GRIK4: variants seen among roughly 807,000 people sequenced by gnomAD.
GRIK4 encodes glutamate ionotropic receptor kainate type subunit 4, also known as glutamate receptor ionotropic, kainate 4.
Under a neutral mutation model 104.9 loss-of-function variants are expected in GRIK4, and 40 were observed. The ratio of observed to expected loss-of-function variants is 0.38; its 90% CI spans 0.30 to 0.50. GRIK4 has a LOEUF of 0.50. Ranked by LOEUF, GRIK4 falls within the 20% of genes least tolerant of loss-of-function variation. The probability of loss-of-function intolerance (pLI) is 0.93; values close to 1 mark genes in which losing one functional copy is unlikely to be tolerated. For missense variants in GRIK4, 1,047 were observed against 1,308.1 expected (o/e 0.80, Z 3.08); for synonymous variants, 485 against 524.9 (o/e 0.92, Z 1.04).
intron 6 of GRIK4, among the ~76,000 whole-genome samples, chr11:120,830,338 G>A (rs951602325): frequency 6.6e-6 from 1 of 152,208 alleles, no homozygotes; most frequent in South Asian, 2.1e-4. Flanking sequence ...TGGTAAGAGG[G>A]TTGGATAGAA....
intron 19 of GRIK4, among the ~76,000 whole-genome samples, chr11:120,981,351 C>A (rs1944649046): frequency 6.6e-6 from 1 of 152,204 alleles, no homozygotes; most frequent in Non-Finnish European, 1.5e-5. Flanking sequence ...GTCTGACTCC[C>A]AGGAACTTAC....
At chr11:120,514,471 G>T (rs1003416080) in intron 1 of GRIK4, among the ~76,000 whole-genome samples, 1 of 152,160 alleles carries the variant, frequency 6.6e-6, no homozygotes, top group Non-Finnish European at 1.5e-5. Flanking sequence ...TGTTGGGCTC[G>T]TTGCTGTTGC....
chr11:120,520,976 G>A (rs760096615), intron 1 of GRIK4, among the ~76,000 whole-genome samples: 21 of 152,298 alleles, frequency 1.4e-4, no homozygotes, highest in Non-Finnish European at 2.9e-4. Flanking sequence ...GGTTTGGGCG[G>A]GGCACGGGAT....
At chr11:120,657,905 C>T (rs1006050963) in intron 2 of GRIK4, among the ~76,000 whole-genome samples, 3 of 152,192 alleles carry the variant, frequency 2.0e-5, no homozygotes, top group African/African-American at 7.2e-5. Flanking sequence ...GTGAACACAC[C>T]TCTGCAAGCA....
rs141682125 is a variant in GRIK4 at position 120,854,633 on chromosome 11, A to G, written c.745-7326A>G. On this transcript the variant is annotated intron_variant, in intron 8 of 20. Coordinates refer to ENST00000527524, the MANE Select transcript of GRIK4 (RefSeq NM_014619.5). ...ACACTGCCTTCCTCACTACCTGCTA[A>G]TGATCCCTGAAAGTGCATGAAACAT... Among the ~76,000 whole-genome samples, 506 of 152,290 alleles carry G rather than the reference A, an allele frequency of 3.3e-3. 2 individuals are homozygous for G. The highest frequency in any genetic ancestry group is 0.012 in the African/African-American group (488 of 41,550).
At chr11:120,847,077 G>A (rs1031116671) in intron 8 of GRIK4, among the ~76,000 whole-genome samples, 3 of 152,180 alleles carry the variant, frequency 2.0e-5, no homozygotes, top group Non-Finnish European at 4.4e-5. Flanking sequence ...AATCCAGTTC[G>A]TGCCAAGGTG....
In GRIK4 at chr11:120,609,189, TTTCCCCCAGCCCCTCCCACCTC is replaced by T. The variant is rs750909948; in HGVS notation, c.-158-44495_-158-44474del. ...TTGGTCCCTCTCAGAGTTTTCTCTC[TTTCCCCCAGCCCCTCCCACCTC>T]GGGGATCTGGGTGCAGGCAGGTGGG... On this transcript the variant is annotated intron_variant, in intron 1 of 20. Transcript: ENST00000527524. Among the ~76,000 whole-genome samples the T allele has an allele frequency of 5.5e-4, 84 of 152,164 alleles. 1 individual carries two copies. The highest frequency in any genetic ancestry group is 1.7e-3 in the South Asian group (8 of 4,808).
rs201370607 is a variant in GRIK4, at chr11:120,585,341, CTCTTTTTTTTTTT to C, written c.-158-68332_-158-68320del. ...TTTCATTCTCTCTCTCCCTCTCTCT[CTCTTTTTTTTTTT>C]TCTTTTTTTTTGTGAGACAGAGTCT... On this transcript the variant is annotated intron_variant, in intron 1 of 20. Coordinates refer to ENST00000527524, the MANE Select transcript of GRIK4 (RefSeq NM_014619.5). Among the ~76,000 whole-genome samples, 80 of 139,088 alleles carry C rather than the reference CTCTTTTTTTTTTT, an allele frequency of 5.8e-4. No homozygotes were observed. The East Asian group carries it at 0.015, about 26-fold the overall frequency. The allele number at this position is 139,088 out of a possible 152,430, so 91.2% of individuals were successfully genotyped here.
intron 18 of GRIK4, among the ~76,000 whole-genome samples, chr11:120,965,094 T>C (rs944554156): frequency 3.9e-5 from 6 of 152,210 alleles, no homozygotes; most frequent in Admixed American, 2.0e-4. Context: ...ATGTATATCA[T>C]TCTTAAGTGG....
chr11:120,614,270 C>T (rs113288617), intron 1 of GRIK4, among the ~76,000 whole-genome samples: 2,414 of 152,296 alleles, frequency 0.016, 37 homozygotes, highest in Non-Finnish European at 0.025. Context: ...TAAAAGTGCA[C>T]TCATTTGCCT....
At chr11:120,625,672 T>G (rs1949250226) in intron 1 of GRIK4, among the ~76,000 whole-genome samples, 1 of 116,110 alleles carries the variant, frequency 8.6e-6, no homozygotes, top group Admixed American at 8.2e-5. Context: ...CATTGCTGGC[T>G]TTTGTGCTCT....
At chr11:120,840,743 A>C (rs2135580922) in intron 8 of GRIK4, among the ~76,000 whole-genome samples, 1 of 152,320 alleles carries the variant, frequency 6.6e-6, no homozygotes, top group South Asian at 2.1e-4. Context: ...CTTCATCCAG[A>C]AATCAATCTG....
chr11:120,828,024 C>T (rs1362207850), intron 6 of GRIK4, among the ~76,000 whole-genome samples: 1 of 152,194 alleles, frequency 6.6e-6, no homozygotes, highest in Non-Finnish European at 1.5e-5. Context: ...TCCTTCTCTC[C>T]CTCTGGCCAG....
rs1248868434 is a variant in GRIK4 at position 120,874,054 on chromosome 11, G to A, written c.907-12G>A. 7 of 1,590,110 alleles carry A rather than the reference G, an allele frequency of 4.4e-6. No homozygotes were observed. The highest frequency in any genetic ancestry group is 4.5e-5 in the East Asian group (2 of 44,078). On this transcript the variant is annotated splice_polypyrimidine_tract_variant and intron_variant, in intron 9 of 20. Transcript: ENST00000527524. ...CACTCCCTCCCTCCGCCTGCTCCCC[G>A]GCCTCTCCCAGCTCTCCTCGGCCCT...
In GRIK4 at chr11:120,622,049, C is replaced by T. The variant is rs534655458; in HGVS notation, c.-158-31636C>T. Among the ~76,000 whole-genome samples the T allele has an allele frequency of 1.2e-4, 19 of 152,074 alleles. 1 individual carries two copies. The South Asian group carries it at 2.9e-3, about 23-fold the overall frequency. ...CCGAGTAGCTGTGACTACAGGCCCC[C>T]GCCACCACACCCAGTTAATTTTTGT... On this transcript the variant is annotated intron_variant, in intron 1 of 20. Transcript: ENST00000527524.
At chr11:120,592,321 C>T (rs771590542) in intron 1 of GRIK4, among the ~76,000 whole-genome samples, 14 of 152,220 alleles carry the variant, frequency 9.2e-5, no homozygotes, top group African/African-American at 3.1e-4. Flanking sequence ...GACCTGCTAA[C>T]GTGTGTGTGC....
Position 120,986,210 on chromosome 11 carries a change from G to T in GRIK4, c.2821G>T (p.Glu941Ter). Residue 941 changes from glutamate (E) to a stop codon, truncating the protein, a stop_gained, in exon 21 of 21, where the codon GAG (glutamate) becomes TAG (stop). Coordinates refer to ENST00000527524, the MANE Select transcript of GRIK4 (RefSeq NM_014619.5). LOFTEE classifies it high-confidence loss of function. ...GGCACGGCCGTCGCCCGCCCGCAGC[G>T]AGGAGAGCCTGGAGTGGGAGAAAAC... is the stretch of plus-strand genomic sequence containing the variant. Reference protein sequence around the residue: ...LRARPSPARSEESLEWEKTTN... With the variant: ...LRARPSPARS 6.4e-7 allele frequency: 1 copy of T among 1,571,926 alleles called. No homozygotes were observed. The highest frequency in any genetic ancestry group is 8.6e-7 in the Non-Finnish European group (1 of 1,168,772).
intron 11 of GRIK4, among the ~76,000 whole-genome samples, chr11:120,885,389 T>A (rs1002592675): frequency 6.6e-6 from 1 of 151,718 alleles, no homozygotes; most frequent in African/African-American, 2.4e-5. Context: ...AATTCTTCTT[T>A]TTTTTTTTTT....
intron 1 of GRIK4, among the ~76,000 whole-genome samples, chr11:120,607,224 G>C (rs1263949833): frequency 6.6e-6 from 1 of 152,202 alleles, no homozygotes; most frequent in Non-Finnish European, 1.5e-5. Flanking sequence ...TTCAGTATTG[G>C]TGGGCCCTTA....
Sources: gnomAD v4.1 joint callset for allele counts (sites outside exome capture counted in the v4.1 genomes callset) on GRCh38, gnomAD v4.1.1 for gene constraint, MANE v1.5 for transcripts, NCBI Gene and HGNC (gene_info 2026-07-23, HGNC 2026-07-21) for gene names.